RIMS2: variants seen among roughly 807,000 people sequenced by gnomAD.
The protein encoded by RIMS2 is regulating synaptic membrane exocytosis protein 2.
Under a neutral mutation model 174.4 loss-of-function variants are expected in RIMS2, and 59 were observed. That is an observed-to-expected ratio of 0.34 (90% CI 0.27 to 0.42). The LOEUF (loss-of-function observed/expected upper bound fraction) is 0.42. Among genes scored for constraint, RIMS2 ranks in the 10% least tolerant of loss-of-function variants. The pLI is 1.00. For missense variants in RIMS2, 1,620 were observed against 1,666.3 expected (o/e 0.97, Z 0.48); for synonymous variants, 606 against 572.5 (o/e 1.06, Z -0.84).
intron 3 of RIMS2, among the ~76,000 whole-genome samples, chr8:103,783,953 T>C (rs1217375753): frequency 6.6e-6 from 1 of 151,946 alleles, no homozygotes; most frequent in Admixed American, 6.6e-5. Flanking sequence ...TTTTAATGAT[T>C]GCCATTCTAA....
rs543052210 is a variant in RIMS2, at chr8:103,739,190, T to C, written c.388-27037T>C. On this transcript the variant is annotated intron_variant, in intron 2 of 23. Coordinates refer to ENST00000504942, the Ensembl canonical transcript of RIMS2. ...GTGGCACATATACATCATGGAATAC[T>C]ATGCAGCCATAAAAAAGGATGAGTT... Among the ~76,000 whole-genome samples the C allele has an allele frequency of 2.0e-5, 3 of 152,308 alleles. No homozygotes were observed. The South Asian group carries it at 6.2e-4, about 32-fold the overall frequency.
At chr8:103,744,102 G>A (rs1246885417) in intron 2 of RIMS2, among the ~76,000 whole-genome samples, 2 of 152,164 alleles carry the variant, frequency 1.3e-5, no homozygotes, top group African/African-American at 4.8e-5. Context: ...CTGGAGTGCA[G>A]TGGCAGGATC....
At position 103,742,772 on chromosome 8, in the gene RIMS2, C is replaced by T. The variant is rs1564472849; in HGVS notation, c.388-23455C>T. Among the ~76,000 whole-genome samples, 3 of 152,228 alleles carry T rather than the reference C, an allele frequency of 2.0e-5. No individual in the cohort carries two copies. The South Asian group carries it at 6.2e-4, about 32-fold the overall frequency. On this transcript the variant is annotated intron_variant, in intron 2 of 23. Transcript: ENST00000504942. Reference sequence around the variant, plus strand: ...GGTTTCATGCTGTTTTCTTTAACAACGATGCCTCAAGGGCAGAATCTCTCA... The same window carrying T: ...GGTTTCATGCTGTTTTCTTTAACAATGATGCCTCAAGGGCAGAATCTCTCA...
chr8:103,533,661 C>CAAAAAAAA (rs34355378), intron 1 of RIMS2, among the ~76,000 whole-genome samples: 20 of 65,780 alleles, frequency 3.0e-4, no homozygotes, highest in South Asian at 1.2e-3. Context: ...GACCCTGTCT[C>CAAAAAAAA]AAAAAAAAAA....
chr8:104,228,863 A>G (rs1438061509), intron 19 of RIMS2, among the ~76,000 whole-genome samples: 1 of 152,228 alleles, frequency 6.6e-6, no homozygotes, highest in Non-Finnish European at 1.5e-5. Flanking sequence ...ATATTTTTTT[A>G]TGTTAGATTT....
intron 6 of RIMS2, among the ~76,000 whole-genome samples, chr8:103,913,278 C>CA (rs2076075929): frequency 6.6e-6 from 1 of 151,540 alleles, no homozygotes; most frequent in African/African-American, 2.4e-5. Context: ...GCGCTCAGCC[C>CA]AAAAAATTTT....
chr8:104,078,522 C>T (rs1181469930), intron 19 of RIMS2, among the ~76,000 whole-genome samples: 1 of 152,134 alleles, frequency 6.6e-6, no homozygotes, highest in South Asian at 2.1e-4. Context: ...TTAGGAACTA[C>T]CTATGTGACC....
At chr8:104,106,989 C>T (rs1326568994) in intron 19 of RIMS2, among the ~76,000 whole-genome samples, 1 of 151,404 alleles carries the variant, frequency 6.6e-6, no homozygotes, top group Non-Finnish European at 1.5e-5. Flanking sequence ...ATTCTCCATA[C>T]AGAAAAAATG....
chr8:104,156,667 A>G (rs1228345295), intron 19 of RIMS2, among the ~76,000 whole-genome samples: 4 of 152,206 alleles, frequency 2.6e-5, no homozygotes, highest in Admixed American at 2.6e-4. Context: ...CATCATTTAT[A>G]AATAAATTTT....
chr8:103,815,179 A>T (rs966182244), intron 3 of RIMS2, among the ~76,000 whole-genome samples: 1 of 152,188 alleles, frequency 6.6e-6, no homozygotes, highest in African/African-American at 2.4e-5. Flanking sequence ...TTGAACATTT[A>T]AAAACCTGAG....
chr8:103,632,731 ATTTTTTT>A (rs61579273), intron 1 of RIMS2, among the ~76,000 whole-genome samples: 24 of 70,414 alleles, frequency 3.4e-4, no homozygotes, highest in South Asian at 2.1e-3. Flanking sequence ...ATATTTATTG[ATTTTTTT>A]TTTTTTTTTT....
chr8:104,146,772 C>T (rs555463564), intron 19 of RIMS2, among the ~76,000 whole-genome samples: 1 of 152,276 alleles, frequency 6.6e-6, no homozygotes, highest in East Asian at 1.9e-4. Context: ...ACCATCTCGG[C>T]TCACTGCAAT....
intron 4 of RIMS2, among the ~76,000 whole-genome samples, chr8:103,896,514 A>G (rs1035145356): frequency 6.6e-6 from 1 of 151,578 alleles, no homozygotes; most frequent in Non-Finnish European, 1.5e-5. Context: ...GTTGTGACCA[A>G]TTTTTCAAGA....
At chr8:104,105,732 G>T (rs1472815165) in intron 19 of RIMS2, among the ~76,000 whole-genome samples, 2 of 151,874 alleles carry the variant, frequency 1.3e-5, no homozygotes, top group African/African-American at 4.8e-5. Flanking sequence ...ACCATGCCTG[G>T]CTAATTTTTT....
In RIMS2 at chr8:103,525,415, A is replaced by G. The variant is rs942002921; in HGVS notation, c.176+24353A>G. On this transcript the variant is annotated intron_variant, in intron 1 of 23. Coordinates refer to ENST00000504942, the Ensembl canonical transcript of RIMS2. ...CTCTGGATAGCTGTTTGCAGAAACT[A>G]ATGGATGGCCTGTTCAATGTGCTAC... is the stretch of plus-strand genomic sequence containing the variant. Among the ~76,000 whole-genome samples the G allele has an allele frequency of 1.3e-5, 2 of 152,198 alleles. 1 individual carries two copies. The highest frequency in any genetic ancestry group is 2.9e-5 in the Non-Finnish European group (2 of 68,032).
intron 4 of RIMS2, among the ~76,000 whole-genome samples, chr8:103,891,543 G>A (rs1175586422): frequency 6.6e-6 from 1 of 152,008 alleles, no homozygotes; most frequent in African/African-American, 2.4e-5. Context: ...TGCCCCATTT[G>A]ATCTTCTTTA....
At chr8:103,549,951 T>A (rs1217749628) in intron 1 of RIMS2, among the ~76,000 whole-genome samples, 5 of 152,160 alleles carry the variant, frequency 3.3e-5, no homozygotes, top group Non-Finnish European at 7.4e-5. Flanking sequence ...CCCAGATTCA[T>A]AAAGCAAGTT....
intron 19 of RIMS2, among the ~76,000 whole-genome samples, chr8:104,038,320 A>G (rs1401893940): frequency 1.3e-5 from 2 of 151,936 alleles, no homozygotes; most frequent in African/African-American, 4.8e-5. Flanking sequence ...GTTTTTACAA[A>G]GAAATTCTTT....
chr8:103,568,762 A>C, intron 1 of RIMS2: 1 of 1,095,134 alleles, frequency 9.1e-7, no homozygotes, highest in Non-Finnish European at 1.4e-6. Context: ...CTGGGTAAGG[A>C]ATCTATCAAA....
Sources: gnomAD v4.1 joint callset for allele counts (sites outside exome capture counted in the v4.1 genomes callset) on GRCh38, gnomAD v4.1.1 for gene constraint, MANE v1.5 for transcripts, NCBI Gene and HGNC (gene_info 2026-07-23, HGNC 2026-07-21) for gene names.